ULK4: variants seen among roughly 807,000 people sequenced by gnomAD.
The protein encoded by ULK4 is unc-51 like kinase 4, also known as inactive serine/threonine-protein kinase ULK4.
A neutral mutation model predicts 160.6 loss-of-function variants in ULK4; 133 were observed. That is an observed-to-expected ratio of 0.83 (90% CI 0.72 to 0.96). ULK4 has a LOEUF of 0.96. Among genes scored for constraint, ULK4 ranks in the 40% least tolerant of loss-of-function variants. ULK4 has a pLI of 0.00. For synonymous variants in ULK4, 534 were observed against 539.8 expected, an observed-to-expected ratio of 0.99 and a Z score of 0.15; for missense variants, 1,580 against 1,499.5, an observed-to-expected ratio of 1.05 and a Z score of -0.89.
chr3:41,781,737 G>A (rs1163903361), intron 21 of ULK4, among the ~76,000 whole-genome samples: 41 of 152,120 alleles, frequency 2.7e-4, no homozygotes, highest in Admixed American at 4.6e-4. Flanking sequence ...TCAGGAGTTC[G>A]AGACCAGCCT....
At chr3:41,835,805 G>A (rs1490680699) in intron 18 of ULK4, 59 bp downstream of exon 18, 2 of 1,307,570 alleles carry the variant, frequency 1.5e-6, no homozygotes, top group Non-Finnish European at 2.2e-6. Context: ...ATTAATACTT[G>A]TCAGCCAGAG....
At chr3:41,731,393 TA>T (rs569942751) in intron 22 of ULK4, among the ~76,000 whole-genome samples, 1,731 of 151,870 alleles carry the variant, frequency 0.011, 28 homozygotes, top group African/African-American at 0.039. Flanking sequence ...TTATAAGTTA[TA>T]AAAAAAATTC....
intron 30 of ULK4, among the ~76,000 whole-genome samples, chr3:41,646,695 A>G (rs1018505533): frequency 2.0e-5 from 3 of 152,136 alleles, no homozygotes; most frequent in Non-Finnish European, 4.4e-5. Flanking sequence ...CTCAAGGAGT[A>G]TCTTTGTGGC....
chr3:41,947,054 G>A (rs1356541317), intron 2 of ULK4, among the ~76,000 whole-genome samples: 6 of 152,206 alleles, frequency 3.9e-5, no homozygotes, highest in African/African-American at 7.2e-5. Context: ...AGGGCTGGGC[G>A]CAGTGGCTCA....
At chr3:41,421,787 A>C (rs2082670320) in intron 34 of ULK4, among the ~76,000 whole-genome samples, 1 of 152,128 alleles carries the variant, frequency 6.6e-6, no homozygotes, top group Non-Finnish European at 1.5e-5. Context: ...TGAACCAGGA[A>C]GCTTTAACTC....
At position 41,723,268 on chromosome 3, in the gene ULK4, C is replaced by T. The variant is rs556767514; in HGVS notation, c.2322-5407G>A. ...CTGAAAATGTCTGTTTCTGAAATGC[C>T]TGTTCAGGTCTTTTGCTCATTCTCC... is the stretch of plus-strand genomic sequence containing the variant. On this transcript the variant is annotated intron_variant, in intron 22 of 36. Transcript: ENST00000301831. Among the ~76,000 whole-genome samples the T allele has an allele frequency of 3.9e-5, 6 of 152,092 alleles. No individual in the cohort carries two copies. In the East Asian group the frequency reaches 7.8e-4, roughly 20 times the overall value.
At chr3:41,302,238 T>C (rs559353981) in intron 35 of ULK4, among the ~76,000 whole-genome samples, 41 of 152,354 alleles carry the variant, frequency 2.7e-4, no homozygotes, top group African/African-American at 9.6e-4. Context: ...AATTACAACA[T>C]TGCCTCTGAT....
chr3:41,411,519 C>T (rs66460803), intron 34 of ULK4, among the ~76,000 whole-genome samples: 32,738 of 151,390 alleles, frequency 0.22, 3,974 homozygotes, highest in African/African-American at 0.32. Flanking sequence ...CCTCTGCCTC[C>T]GGGGTTCAAG....
intron 34 of ULK4, among the ~76,000 whole-genome samples, chr3:41,414,491 T>C (rs555964113): frequency 6.6e-6 from 1 of 152,370 alleles, no homozygotes; most frequent in South Asian, 2.1e-4. Flanking sequence ...TCACATTTTA[T>C]ATTCTATTTT....
rs993695595 is a variant in ULK4, at chr3:41,432,204, T to C, written c.3492+23293A>G. Among the ~76,000 whole-genome samples the C allele has an allele frequency of 5.3e-5, 8 of 152,300 alleles. No individual in the cohort carries two copies. The South Asian group carries it at 1.5e-3, about 28-fold the overall frequency. ...AAGAGGCTGAGATACTAAAGACCAG[T>C]ACTGACAAAGTAAAATGCAATCAGT... On this transcript the variant is annotated intron_variant, in intron 34 of 36. Transcript: ENST00000301831.
chr3:41,766,884 G>A (rs1487022706), intron 21 of ULK4: 1 of 152,194 alleles, frequency 6.6e-6, no homozygotes, highest in African/African-American at 2.4e-5. Flanking sequence ...TGATCAATGA[G>A]GCGACAGATG....
chr3:41,895,319 T>TA (rs1279656211), intron 16 of ULK4, among the ~76,000 whole-genome samples, 199 bp downstream of exon 16: 1 of 152,156 alleles, frequency 6.6e-6, no homozygotes, highest in Non-Finnish European at 1.5e-5. Flanking sequence ...ATTGTATTTG[T>TA]AATATTAGGA....
intron 32 of ULK4, among the ~76,000 whole-genome samples, chr3:41,507,132 G>A (rs1022005175): frequency 2.0e-4 from 7 of 35,186 alleles, no homozygotes; most frequent in Non-Finnish European, 6.4e-4. Context: ...TATAGATTCC[G>A]GCCAAAAAAA....
chr3:41,738,654 A>C lies in ULK4; in HGVS notation c.2321+15707T>G, dbSNP rs565506369. Among the ~76,000 whole-genome samples, 50 of 152,056 alleles carry C rather than the reference A, an allele frequency of 3.3e-4. 1 individual carries two copies. Among genetic ancestry groups the C allele is most frequent in the Non-Finnish European group, 5.4e-4 (37 of 68,016 alleles). On this transcript the variant is annotated intron_variant, in intron 22 of 36. Transcript: ENST00000301831. ...GCTACCACTTCAGTCAGTTTTCTGC[A>C]GCTCCGAGGTCTACAGCAGGTTGGG...
Position 41,947,070 on chromosome 3 carries a change from G to A in ULK4, c.138+7552C>T, listed in dbSNP as rs374582978. Among the ~76,000 whole-genome samples, 57 of 152,348 alleles carry A rather than the reference G, an allele frequency of 3.7e-4. 1 individual carries two copies. The South Asian group carries it at 0.012, about 31-fold the overall frequency. On this transcript the variant is annotated intron_variant, in intron 2 of 36. Transcript: ENST00000301831. ...GGGCTGGGCGCAGTGGCTCATGCCTGTAATCCCAGCACTTTGGGAGGCCGA... is the reference window on the plus strand; with the variant it reads ...GGGCTGGGCGCAGTGGCTCATGCCTATAATCCCAGCACTTTGGGAGGCCGA...
At chr3:41,932,098 A>G (rs927181471) in intron 4 of ULK4, 92 bp from the exon 5 acceptor site, 14 of 1,115,294 alleles carry the variant, frequency 1.3e-5, no homozygotes, top group Non-Finnish European at 1.5e-5. Flanking sequence ...AGAACTTTTC[A>G]GCATTGCTAT....
intron 16 of ULK4, among the ~76,000 whole-genome samples, chr3:41,892,338 G>A (rs1315986243): frequency 1.3e-5 from 2 of 152,160 alleles, no homozygotes; most frequent in East Asian, 3.8e-4. Flanking sequence ...AAAACTGTAA[G>A]ATACTACTTC....
intron 13 of ULK4, 109 bp downstream of exon 13, chr3:41,900,616 A>AG (rs1260079721): frequency 2.2e-5 from 20 of 907,514 alleles, no homozygotes; most frequent in Non-Finnish European, 3.3e-5. Context: ...GAAGCAGACA[A>AG]GAGAAACAGG....
intron 35 of ULK4, among the ~76,000 whole-genome samples, chr3:41,363,932 C>CTT (rs113229684): frequency 1.6e-3 from 234 of 147,686 alleles, no homozygotes; most frequent in Middle Eastern, 3.5e-3. Flanking sequence ...AATTCTCTCT[C>CTT]TTTTTTTTTT....
Sources: allele counts gnomAD v4.1 joint callset (sites outside exome capture counted in the v4.1 genomes callset), GRCh38; gene constraint gnomAD v4.1.1; transcripts MANE v1.5; gene names NCBI Gene and HGNC (gene_info 2026-07-23, HGNC 2026-07-21).